The following FSD1 variants were observed in gnomAD, a reference collection of about 807,000 sequenced individuals.
The protein encoded by FSD1 is fibronectin type III and SPRY domain-containing protein 1.
FSD1 carries 23 observed loss-of-function variants against 58.2 expected under a neutral mutation model. That is an observed-to-expected ratio of 0.40 (90% CI 0.28 to 0.56). The LOEUF (loss-of-function observed/expected upper bound fraction) is 0.56, where lower values mean the gene tolerates loss of function less well. Among genes scored for constraint, FSD1 ranks in the 20% least tolerant of loss-of-function variants. FSD1 has a pLI of 0.54. For missense variants in FSD1, 563 were observed against 670.8 expected (o/e 0.84, Z 1.78); for synonymous variants, 265 against 263.4 (o/e 1.01, Z -0.06).
At chr19:4,312,378 C>T (rs1159497052) in intron 7 of FSD1, among the ~76,000 whole-genome samples, 1 of 152,098 alleles carries the variant, frequency 6.6e-6, no homozygotes, top group Non-Finnish European at 1.5e-5. Flanking sequence ...GTAATCCCAG[C>T]TACTCAGGAG....
At chr19:4,317,956 G>T (rs1209075747) in intron 8 of FSD1, among the ~76,000 whole-genome samples, 2 of 152,174 alleles carry the variant, frequency 1.3e-5, no homozygotes, top group Non-Finnish European at 2.9e-5. Context: ...GGCGGAGGTT[G>T]CAATGAGCCG....
chr19:4,313,907 A>T (rs1971723953), intron 7 of FSD1, among the ~76,000 whole-genome samples: 1 of 152,044 alleles, frequency 6.6e-6, no homozygotes, highest in Non-Finnish European at 1.5e-5. Flanking sequence ...GGATGCCTGT[A>T]GTCCCAGCTA....
rs1056602928 is a variant in FSD1 at position 4,318,235 on chromosome 19, G to C, written c.800-111G>C. 27 of 1,420,200 alleles carry C rather than the reference G, an allele frequency of 1.9e-5. No homozygotes were observed. The African/African-American group carries it at 3.5e-4, about 19-fold the overall frequency. The allele number at this position is 1,420,200 out of a possible 1,614,324, so 88.0% of individuals were successfully genotyped here. A position where few individuals can be genotyped will look rare whatever the true frequency, so the allele number is the denominator to read the frequency against. ...TGGACTCTTATCTCCTTGGCTCTTTGATTCTCTGTCCCTGTCTTGGTCTGT... is the reference window on the plus strand; with the variant it reads ...TGGACTCTTATCTCCTTGGCTCTTTCATTCTCTGTCCCTGTCTTGGTCTGT... On this transcript the variant is annotated intron_variant, in intron 8 of 12. Coordinates refer to ENST00000221856, the MANE Select transcript of FSD1 (RefSeq NM_024333.3).
At chr19:4,309,036 C>T (rs1700982042) in intron 4 of FSD1, among the ~76,000 whole-genome samples, 1 of 152,144 alleles carries the variant, frequency 6.6e-6, no homozygotes, top group Non-Finnish European at 1.5e-5. Flanking sequence ...GATCGCACCA[C>T]TGCACTCCAG....
At chr19:4,314,596 C>T (rs1971732907) in intron 7 of FSD1, among the ~76,000 whole-genome samples, 1 of 151,832 alleles carries the variant, frequency 6.6e-6, no homozygotes, top group Admixed American at 6.6e-5. Context: ...AAGCAATTCT[C>T]CTGTCTCAGC....
rs142307969 is a variant in FSD1, at chr19:4,311,910, C to T, written c.559C>T (p.Arg187Cys). 15 of 1,614,150 alleles carry T rather than the reference C, an allele frequency of 9.3e-6. No individual in the cohort carries two copies. The highest frequency in any genetic ancestry group is 3.3e-5 in the Admixed American group (2 of 60,010). Residue 187 changes from arginine to cysteine, a missense_variant, in exon 7 of 13, where the codon CGC becomes TGC. Arg to Cys is a radical substitution (Grantham distance 180). Transcript: ENST00000221856. Reference sequence around the variant, plus strand: ...AGATAACTGTGTGACCCTGGTGTGGCGCATGCCGGATGAGGACAGCAAGAT... The same window carrying T: ...AGATAACTGTGTGACCCTGGTGTGGTGCATGCCGGATGAGGACAGCAAGAT... The part of the protein sequence containing the change: ...VADNCVTLVW[R>C]MPDEDSKIDH...
At chr19:4,304,905 C>T in intron 1 of FSD1, 144 bp downstream of exon 1, 2 of 420,368 alleles carry the variant, frequency 4.8e-6, no homozygotes, top group Non-Finnish European at 4.0e-6. Context: ...GCGACCCCGC[C>T]CGGATCTAGC....
chr19:4,310,014 G>A (rs1971670913), intron 4 of FSD1, among the ~76,000 whole-genome samples: 1 of 151,884 alleles, frequency 6.6e-6, no homozygotes, highest in Non-Finnish European at 1.5e-5. Flanking sequence ...GATCACCTGA[G>A]GTCAGGAGTT....
chr19:4,318,554 T>C lies in FSD1; in HGVS notation c.959+49T>C, dbSNP rs1009420715. ...AAGTCTCTGGTGGAGGAGATCAGTC[T>C]GGACATGGACACAGAGCCCAGTGTG... On this transcript the variant is annotated intron_variant, in intron 9 of 12. Transcript: ENST00000221856. 2.7e-6 allele frequency: 4 copies of C among 1,476,632 alleles called. No individual in the cohort carries two copies. In the African/African-American group the frequency reaches 5.5e-5, roughly 20 times the overall value. 91.5% of individuals were successfully genotyped at this position (1,476,632 alleles called of 1,614,324 possible). A position where few individuals can be genotyped will look rare whatever the true frequency, so the allele number is the denominator to read the frequency against.
intron 7 of FSD1, among the ~76,000 whole-genome samples, chr19:4,315,988 AC>A (rs1971751460): frequency 1.3e-5 from 2 of 150,138 alleles, no homozygotes; most frequent in Non-Finnish European, 3.0e-5. Context: ...CTGGTCTCAA[AC>A]TCCTGACCTT....
chr19:4,321,948 G>GAAGT (rs1458855815), intron 10 of FSD1, among the ~76,000 whole-genome samples: 5 of 150,764 alleles, frequency 3.3e-5, no homozygotes, highest in African/African-American at 7.3e-5. Flanking sequence ...GGGTCCCCAA[G>GAAGT]AAGTATCTGG....
At chr19:4,315,635 C>T (rs1971747274) in intron 7 of FSD1, among the ~76,000 whole-genome samples, 1 of 82,800 alleles carries the variant, frequency 1.2e-5, no homozygotes, top group East Asian at 3.8e-4. Flanking sequence ...TTTTGAGTTG[C>T]AGTCTCGCTC....
chr19:4,304,619 C>G lies in FSD1; in HGVS notation c.-128C>G, dbSNP rs535916473. The G allele has an allele frequency of 2.1e-4, 100 of 484,794 alleles. No homozygotes were observed. In the South Asian group the frequency reaches 5.5e-3, roughly 26 times the overall value. The allele number at this position is 484,794 out of a possible 1,614,324, so 30.0% of individuals were successfully genotyped here. ...CTGCGCAATGCGCGCGGTGATGGAG[C>G]GCTAACCGGGGGCGCGGCGGCGGCG... On this transcript the variant is annotated 5_prime_UTR_variant, in exon 1 of 13. Transcript: ENST00000221856.
chr19:4,320,418 CTA>C (rs1971801243), intron 10 of FSD1, among the ~76,000 whole-genome samples: 1 of 151,968 alleles, frequency 6.6e-6, no homozygotes, highest in South Asian at 2.1e-4. Flanking sequence ...TGTGGGAACA[CTA>C]TGAGTCTTCC....
chr19:4,309,131 C>T (rs1218520658), intron 4 of FSD1, among the ~76,000 whole-genome samples: 1 of 151,818 alleles, frequency 6.6e-6, no homozygotes, highest in African/African-American at 2.4e-5. Context: ...ACCTGTGGTC[C>T]CAGCTACTCA....
At position 4,323,005 on chromosome 19, in the gene FSD1, C is replaced by T. The variant is rs140560499; in HGVS notation, c.1059C>T (p.Gly353=). ...CCACAGGGGACACGCTGATCGACGGCGGGGAGCATTACTGGGAGGTGCGCT... is the reference window on the plus strand; with the variant it reads ...CCACAGGGGACACGCTGATCGACGGTGGGGAGCATTACTGGGAGGTGCGCT... ...YTVLGDTLID[G]GEHYWEVRYE... Residue 353 remains glycine (G), a synonymous_variant, in exon 11 of 13, where the codon GGC becomes GGT. Transcript: ENST00000221856. This position sits in a 1 kb window ranked among gnomAD's most constrained non-coding sequence, Gnocchi z 7.7. 50 of 1,610,960 alleles carry T rather than the reference C, an allele frequency of 3.1e-5. No homozygotes were observed. Among genetic ancestry groups the T allele is most frequent in the African/African-American group, 2.1e-4 (16 of 74,906 alleles).
At position 4,312,525 on chromosome 19, in the gene FSD1, C is replaced by T. The variant is rs540529266; in HGVS notation, c.700+474C>T. Among the ~76,000 whole-genome samples, 23 of 150,846 alleles carry T rather than the reference C, an allele frequency of 1.5e-4. No homozygotes were observed. In the East Asian group the frequency reaches 4.0e-3, roughly 26 times the overall value. ...AAAAATAATAATAATGAATATAGGCCGGGCGCGGTAGCTCACGCCTGTAAT... is the reference window on the plus strand; with the variant it reads ...AAAAATAATAATAATGAATATAGGCTGGGCGCGGTAGCTCACGCCTGTAAT... On this transcript the variant is annotated intron_variant, in intron 7 of 12. Transcript: ENST00000221856.
Position 4,306,030 on chromosome 19 carries a change from C to G in FSD1, c.100C>G (p.Leu34Val), listed in dbSNP as rs149600547. ...SFIYSLKQML[L>V]NVEANSAKVQ... Reference sequence around the variant, plus strand: ...TATCTACTCCCTGAAACAGATGCTGCTGAACGTGGAGGTGAAGGCGGTGGG... The same window carrying G: ...TATCTACTCCCTGAAACAGATGCTGGTGAACGTGGAGGTGAAGGCGGTGGG... Residue 34 changes from leucine to valine, a missense_variant, in exon 2 of 13, where the codon CTG becomes GTG. Physicochemically the swap from Leu to Val is conservative, Grantham distance 32. Transcript: ENST00000221856. 36 of 1,613,636 alleles carry G rather than the reference C, an allele frequency of 2.2e-5. 1 individual carries two copies. In the Admixed American group the frequency reaches 2.3e-4, roughly 10 times the overall value.
chr19:4,318,086 G>A (rs550517700), intron 8 of FSD1, among the ~76,000 whole-genome samples: 16 of 151,858 alleles, frequency 1.1e-4, no homozygotes, highest in East Asian at 3.9e-4. Context: ...CTTGGCCTTC[G>A]CGCTTCTGGC....
Sources: gnomAD v4.1 joint callset for allele counts (sites outside exome capture counted in the v4.1 genomes callset) on GRCh38, gnomAD v4.1.1 for gene constraint, Gnocchi (gnomAD v3.1) non-coding constraint, MANE v1.5 for transcripts, NCBI Gene and HGNC (gene_info 2026-07-23, HGNC 2026-07-21) for gene names.